Variants in FUCA1 observed in about 807,000 individuals in gnomAD.
The protein encoded by FUCA1 is alpha-L-fucosidase 1.
Under a neutral mutation model 56.8 loss-of-function variants are expected in FUCA1, and 52 were observed. The ratio of observed to expected loss-of-function variants is 0.92; its 90% CI spans 0.73 to 1.15. The LOEUF (loss-of-function observed/expected upper bound fraction) is 1.15. Ranked by LOEUF, FUCA1 falls within the 50% of genes most tolerant of loss-of-function variation. FUCA1 has a pLI of 0.00. For synonymous variants in FUCA1, 230 were observed against 226.6 expected (o/e 1.02, Z -0.14); for missense variants, 568 against 592.6 (o/e 0.96, Z 0.43).
rs755723800 is a variant in FUCA1 at position 23,867,863 on chromosome 1, C to G, written c.389+35G>C. 14 of 1,529,258 alleles carry G rather than the reference C, an allele frequency of 9.2e-6. No individual in the cohort carries two copies. The highest frequency in any genetic ancestry group is 2.0e-5 in the Admixed American group (1 of 49,222). The allele number at this position is 1,529,258 out of a possible 1,614,324, so 94.7% of individuals were successfully genotyped here. On this transcript the variant is annotated intron_variant, in intron 1 of 7. Transcript: ENST00000374479. This position sits in a 1 kb window ranked among gnomAD's most constrained non-coding sequence, Gnocchi z 4.9. ...CCCACCTCCTGTTTGCCGCCCGAGC[C>G]GGGAAGGGGCGCCGCTCCCCGGGAC...
chr1:23,845,923 A>G (rs923724152), intron 7 of FUCA1, 68 bp from the exon 8 acceptor site: 8 of 1,597,368 alleles, frequency 5.0e-6, no homozygotes, highest in Non-Finnish European at 6.9e-6. Flanking sequence ...CAGGCTGACT[A>G]TGGTAGGAAA....
chr1:23,849,164 T>C (rs1156790540), intron 5 of FUCA1, among the ~76,000 whole-genome samples: 1 of 152,046 alleles, frequency 6.6e-6, no homozygotes, highest in Non-Finnish European at 1.5e-5. Context: ...ATTCTATTTT[T>C]AGTAGAGACA....
At chr1:23,853,071 G>A (rs1275018557) in intron 5 of FUCA1, among the ~76,000 whole-genome samples, 5 of 144,026 alleles carry the variant, frequency 3.5e-5, no homozygotes, top group Admixed American at 6.8e-5. Context: ...AGGAAGTGAG[G>A]AGCGTCTCTG....
intron 5 of FUCA1, among the ~76,000 whole-genome samples, chr1:23,850,465 T>G (rs188536112): frequency 2.6e-5 from 4 of 151,928 alleles, no homozygotes; most frequent in African/African-American, 9.6e-5. Flanking sequence ...GTAACTTATT[T>G]TATTTATTTA....
In FUCA1 at chr1:23,867,883, C is replaced by G. The variant is rs1395597191; in HGVS notation, c.389+15G>C. ...CGAGCCGGGAAGGGGCGCCGCTCCCCGGGACCACACTCACTTGGCGCCCGC... is the reference window on the plus strand; with the variant it reads ...CGAGCCGGGAAGGGGCGCCGCTCCCGGGGACCACACTCACTTGGCGCCCGC... On this transcript the variant is annotated intron_variant, in intron 1 of 7. Transcript: ENST00000374479. The surrounding 1 kb of genome is among the most constrained non-coding windows in gnomAD (Gnocchi z 4.9). 7 of 1,541,596 alleles carry G rather than the reference C, an allele frequency of 4.5e-6. No homozygotes were observed. The highest frequency in any genetic ancestry group is 6.1e-6 in the Non-Finnish European group (7 of 1,144,290).
Position 23,859,822 on chromosome 1 carries a change from C to A in FUCA1, c.744G>T (p.Trp248Cys). 1.9e-6 allele frequency: 3 copies of A among 1,610,312 alleles called. No individual in the cohort carries two copies. Among genetic ancestry groups the A allele is most frequent in the Non-Finnish European group, 2.5e-6 (3 of 1,176,648 alleles). The change falls in exon 4 of 8, where the codon TGG becomes TGT. Residue 248 changes from tryptophan to cysteine, a missense_variant. Transcript: ENST00000374479. ...TYWNSTNFLS[W>C]LYNDSPVKDE... ...CCTTGACAGGGCTGTCATTGTAGAG[C>A]CATGAAAGAAAATTTGTGGAGTTCC...
chr1:23,854,453 C>T lies in FUCA1; in HGVS notation c.876G>A (p.Lys292=), dbSNP rs1639350216. Residue 292 remains lysine, a synonymous_variant, in exon 5 of 8, where the codon AAG becomes AAA. Coordinates refer to ENST00000374479, the MANE Select transcript of FUCA1 (RefSeq NM_000147.5). ...KFKPQSLPDH[K]WEMCTSIDKF... Reference sequence around the variant, plus strand: ...TGTCAATGCTGGTGCACATCTCCCACTTGTGATCTGGCAAGCTCTGTGGCT... The same window carrying T: ...TGTCAATGCTGGTGCACATCTCCCATTTGTGATCTGGCAAGCTCTGTGGCT... 6.2e-7 allele frequency: 1 copy of T among 1,614,166 alleles called. No homozygotes were observed. The highest frequency in any genetic ancestry group is 8.5e-7 in the Non-Finnish European group (1 of 1,180,012).
intron 3 of FUCA1, among the ~76,000 whole-genome samples, 158 bp from the exon 4 acceptor site, chr1:23,860,061 G>A (rs543058670): frequency 1.5e-4 from 23 of 152,112 alleles, no homozygotes; most frequent in African/African-American, 5.1e-4. Flanking sequence ...CTATAGTCTC[G>A]AATTCCTGGG....
intron 5 of FUCA1, among the ~76,000 whole-genome samples, chr1:23,851,383 CACATACAT>C (rs35768557): frequency 0.025 from 3,743 of 147,044 alleles, 56 homozygotes; most frequent in Middle Eastern, 0.041. Context: ...AATAAATATA[CACATACAT>C]ACATACATAC....
intron 6 of FUCA1, among the ~76,000 whole-genome samples, chr1:23,847,905 C>T (rs887511183): frequency 6.6e-6 from 1 of 151,988 alleles, no homozygotes; most frequent in African/African-American, 2.4e-5. Context: ...GCCTATAATC[C>T]CAGCTGCTTG....
intron 5 of FUCA1, among the ~76,000 whole-genome samples, chr1:23,853,038 T>C (rs1172263899): frequency 6.8e-6 from 1 of 146,136 alleles, no homozygotes; most frequent in Admixed American, 6.8e-5. Context: ...GAGGAGCACC[T>C]CTTCCCGGCC....
At chr1:23,860,798 C>T (rs577790137) in intron 3 of FUCA1, among the ~76,000 whole-genome samples, 18 of 151,644 alleles carry the variant, frequency 1.2e-4, no homozygotes, top group African/African-American at 4.1e-4. Flanking sequence ...ACCACCATGC[C>T]TGACTAATTT....
intron 3 of FUCA1, among the ~76,000 whole-genome samples, chr1:23,862,348 G>A (rs758653627): frequency 6.6e-6 from 1 of 152,094 alleles, no homozygotes. Flanking sequence ...GTATTTTTTA[G>A]TAGAGACGAG....
At chr1:23,865,258 C>T (rs1639599013) in intron 2 of FUCA1, among the ~76,000 whole-genome samples, 1 of 152,168 alleles carries the variant, frequency 6.6e-6, no homozygotes, top group Non-Finnish European at 1.5e-5. Context: ...AACGGTGTCC[C>T]CTTTGGTCAC....
intron 5 of FUCA1, among the ~76,000 whole-genome samples, chr1:23,850,974 T>C (rs1425403048): frequency 6.6e-6 from 1 of 152,072 alleles, no homozygotes; most frequent in Non-Finnish European, 1.5e-5. Flanking sequence ...AGATGGGGTC[T>C]TTCTATTTTG....
intron 4 of FUCA1, 24 bp downstream of exon 4, chr1:23,859,774 A>G (rs766913378): frequency 1.4e-6 from 2 of 1,453,194 alleles, no homozygotes; most frequent in Non-Finnish European, 1.9e-6. Flanking sequence ...TAGGAGATAA[A>G]TAAGAAGTCA....
At chr1:23,848,570 G>T in intron 6 of FUCA1, 79 bp downstream of exon 6, 1 of 1,388,800 alleles carries the variant, frequency 7.2e-7, no homozygotes, top group Non-Finnish European at 1.0e-6. Context: ...CCTGGCTTGT[G>T]ACATTGTGGA....
chr1:23,859,057 C>T (rs1570684016), intron 4 of FUCA1, among the ~76,000 whole-genome samples: 1 of 152,064 alleles, frequency 6.6e-6, no homozygotes, highest in South Asian at 2.1e-4. Context: ...GCTGGGATTA[C>T]AGGCATGAGC....
At position 23,849,326 on chromosome 1, in the gene FUCA1, G is replaced by A. The variant is rs372579919; in HGVS notation, c.970-487C>T. On this transcript the variant is annotated intron_variant, in intron 5 of 7. Coordinates refer to ENST00000374479, the MANE Select transcript of FUCA1 (RefSeq NM_000147.5). Reference sequence around the variant, plus strand: ...TATATATATTTTTGTCACTATAAAAGCAGGTTAGGCTCATGTGAGTAAATG... The same window carrying A: ...TATATATATTTTTGTCACTATAAAAACAGGTTAGGCTCATGTGAGTAAATG... Among the ~76,000 whole-genome samples the A allele has an allele frequency of 9.2e-5, 14 of 152,186 alleles. No individual in the cohort carries two copies. The South Asian group carries it at 2.9e-3, about 32-fold the overall frequency.
Sources: allele counts gnomAD v4.1 joint callset (sites outside exome capture counted in the v4.1 genomes callset), GRCh38; gene constraint gnomAD v4.1.1; non-coding constraint Gnocchi (gnomAD v3.1); transcripts MANE v1.5; gene names NCBI Gene and HGNC (gene_info 2026-07-23, HGNC 2026-07-21).